The following PDE2A variants were observed in gnomAD, a reference collection of about 807,000 sequenced individuals.
The protein encoded by PDE2A is cGMP-dependent 3',5'-cyclic phosphodiesterase.
In PDE2A, 53 loss-of-function variants were observed where a neutral mutation model predicts 133.6. The observed-to-expected ratio is 0.40, with a 90% confidence interval of 0.32 to 0.50. The LOEUF is 0.50. PDE2A is among the 20% of genes least tolerant of loss of function. The pLI is 0.73. For synonymous variants in PDE2A, 491 were observed against 490.2 expected (o/e 1.00, Z -0.02); for missense variants, 796 against 1,232.4 (o/e 0.65, Z 5.30).
At chr11:72,585,776 C>T (rs1855941815) in intron 14 of PDE2A, among the ~76,000 whole-genome samples, 183 bp from the exon 15 acceptor site, 1 of 152,198 alleles carries the variant, frequency 6.6e-6, no homozygotes, top group Non-Finnish European at 1.5e-5. Flanking sequence ...GGGAATAGCC[C>T]CGGTGCAGGT....
At chr11:72,631,040 CTCAAG>C in intron 2 of PDE2A, 2 of 1,484,748 alleles carry the variant, frequency 1.3e-6, no homozygotes, top group Non-Finnish European at 1.8e-6. Flanking sequence ...GCCCCACCCC[CTCAAG>C]CCCACCCACT....
At chr11:72,642,835 G>T (rs191815140) in intron 1 of PDE2A, among the ~76,000 whole-genome samples, 3 of 152,092 alleles carry the variant, frequency 2.0e-5, no homozygotes, top group Non-Finnish European at 2.9e-5. Flanking sequence ...GAAGGGGAAG[G>T]GGGGCAGGGG....
chr11:72,631,553 G>A (rs1373136723), intron 2 of PDE2A, among the ~76,000 whole-genome samples: 1 of 152,166 alleles, frequency 6.6e-6, no homozygotes, highest in African/African-American at 2.4e-5. Context: ...TCCACAGTGA[G>A]TTGGGCCTTT....
Position 72,586,168 on chromosome 11 carries a change from CCT to C in PDE2A, c.1082_1083del (p.Glu361GlyfsTer31). ...NKLEGDLFTD[E>X]DEHVIQHCFH... ...AAGCAGTGCTGGATCACATGCTCGTCCTCGTCGGTGAACCTGGAGGAGGGGGT... is the reference window on the plus strand; with the variant it reads ...AAGCAGTGCTGGATCACATGCTCGTCCGTCGGTGAACCTGGAGGAGGGGGT... On this transcript the variant is annotated frameshift_variant, in exon 14 of 31. Coordinates refer to ENST00000334456, the MANE Select transcript of PDE2A (RefSeq NM_002599.5). LOFTEE classifies it high-confidence loss of function. 1 of 1,609,702 alleles carries C rather than the reference CCT, an allele frequency of 6.2e-7. No homozygotes were observed. The highest frequency in any genetic ancestry group is 1.1e-5 in the South Asian group (1 of 90,434).
rs769683788 is a variant in PDE2A at position 72,586,704 on chromosome 11, G to A, written c.1071-523C>T. 9.9e-5 allele frequency among the ~76,000 whole-genome samples: 15 copies of A among 152,198 alleles called. 1 individual carries two copies. Among genetic ancestry groups the A allele is most frequent in the East Asian group, 5.8e-4 (3 of 5,206 alleles). On this transcript the variant is annotated intron_variant, in intron 13 of 30. Coordinates refer to ENST00000334456, the MANE Select transcript of PDE2A (RefSeq NM_002599.5). The stretch of plus-strand genomic sequence containing the variant: ...AAGATAAGCCCCAAATCCTGCTCAC[G>A]TCATTCAATCTGGCCACCAAATGAT...
At position 72,579,536 on chromosome 11, in the gene PDE2A, T is replaced by C; in HGVS notation, c.2254A>G (p.Lys752Glu). 1 of 1,517,060 alleles carries C rather than the reference T, an allele frequency of 6.6e-7. No homozygotes were observed. Among genetic ancestry groups the C allele is most frequent in the East Asian group, 2.3e-5 (1 of 42,874 alleles). 94.0% of individuals were successfully genotyped at this position (1,517,060 alleles called of 1,614,324 possible). A position where few individuals can be genotyped will look rare whatever the true frequency, so the allele number is the denominator to read the frequency against. The stretch of plus-strand genomic sequence containing the variant: ...CACCCCACCCCCAACCCCATCACCT[T>C]CCGGGAGAAATGATCAAAGATGTTG... ...GCNIFDHFSR[K>E]DYQRMLDLMR... Residue 752 changes from lysine (K) to glutamate (E), a missense_variant and splice_region_variant, in exon 26 of 31, where the codon AAG (lysine) becomes GAG (glutamate). Coordinates refer to ENST00000334456, the MANE Select transcript of PDE2A (RefSeq NM_002599.5).
At chr11:72,606,651 C>G (rs1321109558) in intron 3 of PDE2A, among the ~76,000 whole-genome samples, 1 of 152,158 alleles carries the variant, frequency 6.6e-6, no homozygotes, top group Non-Finnish European at 1.5e-5. Context: ...GGAAGGAGGC[C>G]GCCCACTCTT....
intron 1 of PDE2A, among the ~76,000 whole-genome samples, chr11:72,654,091 C>T (rs548506649): frequency 1.3e-5 from 2 of 152,312 alleles, no homozygotes; most frequent in Admixed American, 1.3e-4. Context: ...AGATGGAACA[C>T]CTCCATAGTG....
intron 12 of PDE2A, 61 bp from the exon 13 acceptor site, chr11:72,588,975 C>T (rs2135300887): frequency 4.5e-6 from 7 of 1,543,660 alleles, no homozygotes; most frequent in Non-Finnish European, 6.2e-6. Flanking sequence ...CCTCCTCCAG[C>T]CCTCCATCAC....
In PDE2A at chr11:72,578,887, C is replaced by T. The variant is rs751097093; in HGVS notation, c.2469+10G>A. 30 of 1,582,498 alleles carry T rather than the reference C, an allele frequency of 1.9e-5. No homozygotes were observed. The highest frequency in any genetic ancestry group is 2.6e-5 in the Non-Finnish European group (30 of 1,151,472). ...GCAGCCTGTGCCTTCCCAGGGAGGA[C>T]TACACCTACCGCGATCTTTCTCGTA... On this transcript the variant is annotated intron_variant, in intron 28 of 30. Coordinates refer to ENST00000334456, the MANE Select transcript of PDE2A (RefSeq NM_002599.5). The surrounding 1 kb of genome is among the most constrained non-coding windows in gnomAD (Gnocchi z 4.2).
At position 72,582,028 on chromosome 11, in the gene PDE2A, C is replaced by T; in HGVS notation, c.1852-81G>A. The stretch of plus-strand genomic sequence containing the variant: ...TGCCTGGGTCCTTCTTCAAGCTCCA[C>T]ACTCAAAATCTGGAGTCTTAGAAAC... On this transcript the variant is annotated intron_variant, in intron 21 of 30. Transcript: ENST00000334456. The T allele has an allele frequency of 2.7e-6, 3 of 1,119,836 alleles. No homozygotes were observed. In the Admixed American group the frequency reaches 5.2e-5, roughly 19 times the overall value. 69.4% of individuals were successfully genotyped at this position (1,119,836 alleles called of 1,614,324 possible). A position where few individuals can be genotyped will look rare whatever the true frequency, so the allele number is the denominator to read the frequency against.
intron 1 of PDE2A, among the ~76,000 whole-genome samples, chr11:72,656,164 G>C (rs1854894305): frequency 6.6e-6 from 1 of 152,190 alleles, no homozygotes; most frequent in South Asian, 2.1e-4. Context: ...AGCCACGAGG[G>C]GGGCCATGTA....
At position 72,578,357 on chromosome 11, in the gene PDE2A, T is replaced by C; in HGVS notation, c.2509-18A>G. The C allele has an allele frequency of 6.3e-7, 1 of 1,592,920 alleles. No homozygotes were observed. The highest frequency in any genetic ancestry group is 8.6e-7 in the Non-Finnish European group (1 of 1,160,756). ...GCCTTCTCCTGCAGGCATCGAGTCG[T>C]CAGGCCTGTCCCTCTCATTCCTCCA... is the stretch of plus-strand genomic sequence containing the variant. On this transcript the variant is annotated intron_variant, in intron 29 of 30. Transcript: ENST00000334456. The surrounding 1 kb of genome is among the most constrained non-coding windows in gnomAD (Gnocchi z 4.2).
intron 2 of PDE2A, among the ~76,000 whole-genome samples, chr11:72,629,128 C>T (rs1328970764): frequency 3.3e-5 from 5 of 152,224 alleles, no homozygotes; most frequent in Admixed American, 6.5e-5. Flanking sequence ...AGGGAAGAGG[C>T]AGCAGGACCC....
chr11:72,578,951 G>A lies in PDE2A; in HGVS notation c.2415C>T (p.Thr805=), dbSNP rs779739309. The change falls in exon 28 of 31, where the codon ACC becomes ACT. Residue 805 remains threonine, a synonymous_variant. Coordinates refer to ENST00000334456, the MANE Select transcript of PDE2A (RefSeq NM_002599.5). The surrounding 1 kb of genome is among the most constrained non-coding windows in gnomAD (Gnocchi z 4.2). The part of the protein sequence containing the change: ...HHRLLLCLLM[T]SCDLSDQTKG... ...TGGTCTGGTCAGAGAGGTCACAGGA[G>A]GTCATGAGGAGGCAGAGGAGAAGTC... 4.3e-6 allele frequency: 7 copies of A among 1,613,908 alleles called. No homozygotes were observed. In the East Asian group the frequency reaches 6.7e-5, roughly 15 times the overall value.
chr11:72,599,448 C>T, intron 4 of PDE2A, among the ~76,000 whole-genome samples: 1 of 152,158 alleles, frequency 6.6e-6, no homozygotes, highest in East Asian at 1.9e-4. Context: ...GCACAACCAT[C>T]CACCAGGTCC....
chr11:72,582,467 G>T lies in PDE2A; in HGVS notation c.1828C>A (p.Leu610Met). ...FASFTYTPRS[L>M]PEDDTSMAIL... ...ACCATGGACGTGTCATCCTCGGGCA[G>T]GGAACGAGGGGTATAGGTGAAACTT... The change falls in exon 21 of 31, where the codon CTG (leucine) becomes ATG (methionine). Residue 610 changes from leucine (L) to methionine (M), a missense_variant. Leu to Met is a conservative substitution (Grantham distance 15). Coordinates refer to ENST00000334456, the MANE Select transcript of PDE2A (RefSeq NM_002599.5). 6.2e-7 allele frequency: 1 copy of T among 1,613,958 alleles called. No homozygotes were observed. The highest frequency in any genetic ancestry group is 1.1e-5 in the South Asian group (1 of 91,074).
chr11:72,624,854 C>T (rs1232046163), intron 2 of PDE2A, among the ~76,000 whole-genome samples: 8 of 152,218 alleles, frequency 5.3e-5, no homozygotes, highest in Non-Finnish European at 1.2e-4. Flanking sequence ...CCACACAGTA[C>T]CCTATGATCA....
intron 2 of PDE2A, among the ~76,000 whole-genome samples, chr11:72,629,955 C>T (rs954275854): frequency 6.6e-6 from 1 of 152,138 alleles, no homozygotes; most frequent in Non-Finnish European, 1.5e-5. Context: ...TCAGCCAGGC[C>T]TGGGCAGACT....
Sources: allele counts gnomAD v4.1 joint callset (sites outside exome capture counted in the v4.1 genomes callset), GRCh38; gene constraint gnomAD v4.1.1; non-coding constraint Gnocchi (gnomAD v3.1); transcripts MANE v1.5; gene names NCBI Gene and HGNC (gene_info 2026-07-23, HGNC 2026-07-21).